STK32B: variants seen among roughly 807,000 people sequenced by gnomAD.
STK32B encodes the protein serine/threonine kinase 32B, also known as serine/threonine-protein kinase 32B.
Under a neutral mutation model 52.6 loss-of-function variants are expected in STK32B, and 43 were observed. That is an observed-to-expected ratio of 0.82 (90% CI 0.64 to 1.05). The LOEUF is 1.05. STK32B is among the 50% of genes least tolerant of loss of function. STK32B has a pLI of 0.00. For synonymous variants in STK32B, 238 were observed against 204.3 expected, an observed-to-expected ratio of 1.17 and a Z score of -1.41; for missense variants, 621 against 534.6, an observed-to-expected ratio of 1.16 and a Z score of -1.59.
intron 4 of STK32B, among the ~76,000 whole-genome samples, chr4:5,371,012 GTA>G (rs1238224758): frequency 7.6e-6 from 1 of 131,326 alleles, no homozygotes; most frequent in African/African-American, 3.1e-5. Context: ...ATATATATAT[GTA>G]TATATATGTG....
At chr4:5,019,495 G>A in the STK32B span, 1 of 1,423,222 alleles carries the variant, frequency 7.0e-7, no homozygotes, top group Non-Finnish European at 9.1e-7. Context: ...ATGCAGGCTG[G>A]GGGTGGTCCA....
rs530627925 is a variant in STK32B at position 5,448,711 on chromosome 4, C to G, written c.666+1935C>G. On this transcript the variant is annotated intron_variant, in intron 7 of 11. Transcript: ENST00000282908. ...TGGTGCTTCTTGGAAGAGGAAGAAG[C>G]AAATGATGGGGGATCCAGGCCTTTG... Among the ~76,000 whole-genome samples, 13 of 152,200 alleles carry G rather than the reference C, an allele frequency of 8.5e-5. No individual in the cohort carries two copies. The South Asian group carries it at 2.5e-3, about 29-fold the overall frequency.
intron 11 of STK32B, among the ~76,000 whole-genome samples, chr4:5,484,939 A>G (rs929771073): frequency 3.3e-5 from 5 of 152,126 alleles, no homozygotes; most frequent in African/African-American, 1.2e-4. Context: ...TGGCTTGTAG[A>G]GTTTCTGCCT....
At chr4:5,372,847 G>C (rs1239209141) in intron 4 of STK32B, among the ~76,000 whole-genome samples, 1 of 152,082 alleles carries the variant, frequency 6.6e-6, no homozygotes, top group East Asian at 1.9e-4. Flanking sequence ...TGAAAGCCTA[G>C]TTTTCTGCCA....
Position 5,298,289 on chromosome 4 carries a change from G to A in STK32B, c.261-32931G>A, listed in dbSNP as rs755875358. The stretch of plus-strand genomic sequence containing the variant: ...AGGGACTCACTTGAAAAGGCAGTCT[G>A]TTCCTTAGGAGAGCTCAAGCACTGT... On this transcript the variant is annotated intron_variant, in intron 3 of 11. Coordinates refer to ENST00000282908, the MANE Select transcript of STK32B (RefSeq NM_018401.3). 5.9e-5 allele frequency among the ~76,000 whole-genome samples: 9 copies of A among 152,206 alleles called. 1 individual carries two copies. The highest frequency in any genetic ancestry group is 9.6e-5 in the African/African-American group (4 of 41,452).
At chr4:5,383,746 C>G (rs1435391608) in intron 4 of STK32B, among the ~76,000 whole-genome samples, 1 of 152,202 alleles carries the variant, frequency 6.6e-6, no homozygotes, top group Non-Finnish European at 1.5e-5. Flanking sequence ...CAGGGCCATC[C>G]TGAGTCCTGG....
intron 4 of STK32B, among the ~76,000 whole-genome samples, chr4:5,358,851 A>G (rs958838990): frequency 5.3e-5 from 8 of 152,246 alleles, no homozygotes; most frequent in African/African-American, 1.9e-4. Flanking sequence ...AGAGACAGGT[A>G]GTGACAAAGT....
At chr4:5,413,775 G>A (rs1577464213) in intron 5 of STK32B, among the ~76,000 whole-genome samples, 2 of 152,282 alleles carry the variant, frequency 1.3e-5, no homozygotes, top group South Asian at 4.1e-4. Context: ...TGATCACATG[G>A]GAAACGGGCA....
At chr4:5,150,384 G>T (rs992725296) in intron 2 of STK32B, among the ~76,000 whole-genome samples, 1 of 152,096 alleles carries the variant, frequency 6.6e-6, no homozygotes, top group African/African-American at 2.4e-5. Flanking sequence ...GTTCTGTTGA[G>T]GATGGGTCCC....
chr4:5,226,458 G>T (rs755705698), intron 3 of STK32B, among the ~76,000 whole-genome samples: 60 of 152,124 alleles, frequency 3.9e-4, no homozygotes, highest in African/African-American at 9.7e-5. Context: ...TGATTCATAG[G>T]TTTTAAATTG....
intron 6 of STK32B, chr4:5,438,009 A>G: frequency 6.1e-6 from 6 of 985,516 alleles, no homozygotes; most frequent in Non-Finnish European, 7.2e-6. Flanking sequence ...CATGACAGCC[A>G]GGACAGGATC....
the STK32B span, among the ~76,000 whole-genome samples, chr4:5,037,226 C>T: frequency 6.6e-6 from 1 of 152,320 alleles, no homozygotes; most frequent in East Asian, 1.9e-4. Flanking sequence ...TGTCCCCAGA[C>T]ATTGCCAAAT....
intron 3 of STK32B, among the ~76,000 whole-genome samples, chr4:5,298,060 G>A (rs1206101680): frequency 6.6e-6 from 1 of 152,110 alleles, no homozygotes; most frequent in East Asian, 1.9e-4. Flanking sequence ...AGGTCTGCTG[G>A]AGTTTTCTGG....
Position 5,217,532 on chromosome 4 carries a change from T to G in STK32B, c.260+49082T>G, listed in dbSNP as rs539945012. Among the ~76,000 whole-genome samples the G allele has an allele frequency of 2.6e-5, 4 of 152,352 alleles. No individual in the cohort carries two copies. In the South Asian group the frequency reaches 6.2e-4, roughly 24 times the overall value. On this transcript the variant is annotated intron_variant, in intron 3 of 11. Transcript: ENST00000282908. ...GAAAGAGAGAATGTACAAGTATGTT[T>G]AGGGCATTGGTTAACATATGGTTTC...
chr4:5,180,887 T>A (rs1328289559), intron 3 of STK32B, among the ~76,000 whole-genome samples: 1 of 152,190 alleles, frequency 6.6e-6, no homozygotes, highest in Non-Finnish European at 1.5e-5. Flanking sequence ...CAAGTGGAGT[T>A]GTCAAGTGCA....
chr4:5,317,536 C>CATATATATATATATATATATAT (rs201529318), intron 3 of STK32B, among the ~76,000 whole-genome samples: 7 of 93,538 alleles, frequency 7.5e-5, no homozygotes, highest in African/African-American at 4.7e-4. Context: ...ATATATATTA[C>CATATATATATATATATATATAT]ATGTATATAT....
chr4:5,292,551 G>T (rs548141426), intron 3 of STK32B, among the ~76,000 whole-genome samples: 2 of 151,452 alleles, frequency 1.3e-5, no homozygotes, highest in Admixed American at 1.3e-4. Flanking sequence ...TGCTTTATTG[G>T]GTGCATAATT....
intron 1 of STK32B, among the ~76,000 whole-genome samples, chr4:5,082,756 C>T (rs1712508835): frequency 6.6e-6 from 1 of 151,468 alleles, no homozygotes; most frequent in Non-Finnish European, 1.5e-5. Flanking sequence ...GGAAAATGTC[C>T]AGAAATCACA....
At chr4:5,461,018 C>T (rs1360047610) in intron 9 of STK32B, among the ~76,000 whole-genome samples, 3 of 152,148 alleles carry the variant, frequency 2.0e-5, no homozygotes, top group Non-Finnish European at 2.9e-5. Flanking sequence ...CCAGGACAGA[C>T]GCTGAAAGTT....
Sources: allele counts gnomAD v4.1 joint callset (sites outside exome capture counted in the v4.1 genomes callset), GRCh38; gene constraint gnomAD v4.1.1; transcripts MANE v1.5; gene names NCBI Gene and HGNC (gene_info 2026-07-23, HGNC 2026-07-21).